The following PLOD1 variants were observed in gnomAD, a reference collection of about 807,000 sequenced individuals.
PLOD1 encodes procollagen-lysine,2-oxoglutarate 5-dioxygenase 1, also known as lysine hydroxylase.
A neutral mutation model predicts 94.7 loss-of-function variants in PLOD1; 70 were observed. The observed-to-expected ratio is 0.74, with a 90% CI of 0.61 to 0.90. The LOEUF (loss-of-function observed/expected upper bound fraction) is 0.90, where lower values mean the gene tolerates loss of function less well. Ranked by LOEUF, PLOD1 falls within the 40% of genes least tolerant of loss-of-function variation. PLOD1 has a pLI of 0.00. For synonymous variants in PLOD1, 417 were observed against 400.2 expected, an observed-to-expected ratio of 1.04 and a Z score of -0.50; for missense variants, 905 against 972.7, an observed-to-expected ratio of 0.93 and a Z score of 0.93.
chr1:11,948,729 C>G (rs188438714), intron 2 of PLOD1, among the ~76,000 whole-genome samples: 2 of 139,550 alleles, frequency 1.4e-5, no homozygotes, highest in Non-Finnish European at 3.2e-5. Context: ...AACTCTGTCT[C>G]AAAAAAAAAA....
chr1:11,956,838 G>A (rs1234795028), intron 6 of PLOD1, 79 bp from the exon 7 acceptor site: 5 of 898,524 alleles, frequency 5.6e-6, no homozygotes, highest in Non-Finnish European at 9.5e-6. Context: ...GCACAGCTGG[G>A]ATTTGAGCCC....
At chr1:11,965,199 C>A (rs775520314) in intron 13 of PLOD1, among the ~76,000 whole-genome samples, 2 of 151,440 alleles carry the variant, frequency 1.3e-5, no homozygotes, top group Non-Finnish European at 2.9e-5. Context: ...TCCCCTGTGA[C>A]CAACATTTCA....
At chr1:11,960,965 G>A (rs949973819) in intron 10 of PLOD1, among the ~76,000 whole-genome samples, 198 bp downstream of exon 10, 1 of 152,128 alleles carries the variant, frequency 6.6e-6, no homozygotes, top group Non-Finnish European at 1.5e-5. Flanking sequence ...CGGGGCTCCT[G>A]GGCAGGGCTG....
At position 11,964,679 on chromosome 1, in the gene PLOD1, A is replaced by C. The variant is rs373893146; in HGVS notation, c.1364A>C (p.Tyr455Ser). The C allele has an allele frequency of 6.8e-6, 11 of 1,612,870 alleles. No individual in the cohort carries two copies. The highest frequency in any genetic ancestry group is 1.1e-5 in the South Asian group (1 of 91,066). The change falls in exon 13 of 19, where the codon TAC becomes TCC. Residue 455 changes from tyrosine (Y) to serine (S), a missense_variant. Coordinates refer to ENST00000196061, the MANE Select transcript of PLOD1 (RefSeq NM_000302.4). ...AATGTGCCCTATATTTCAAACATCTACTTGATCAAGGGCAGTGCCCTGCGG... is the reference window on the plus strand; with the variant it reads ...AATGTGCCCTATATTTCAAACATCTCCTTGATCAAGGGCAGTGCCCTGCGG... ...VWNVPYISNI[Y>S]LIKGSALRGE...
chr1:11,964,045 T>G, intron 11 of PLOD1, 130 bp from the exon 12 acceptor site: 1 of 965,052 alleles, frequency 1.0e-6, no homozygotes, highest in East Asian at 2.4e-5. Context: ...AGGCACTGCC[T>G]GTCTCAGTGA....
Position 11,963,560 on chromosome 1 carries a change from A to G in PLOD1, c.1126A>G (p.Thr376Ala), listed in dbSNP as rs1569719325. The change falls in exon 11 of 19, where the codon ACC (threonine) becomes GCC (alanine). Residue 376 changes from threonine (T) to alanine (A), a missense_variant. Coordinates refer to ENST00000196061, the MANE Select transcript of PLOD1 (RefSeq NM_000302.4). The surrounding 1 kb of genome is among the most constrained non-coding windows in gnomAD (Gnocchi z 4.3). Reference protein sequence around the residue: ...ADLCRQDRSCTYYFSVDADVA... With the variant: ...ADLCRQDRSCAYYFSVDADVA... ...CCTGTGCCGGCAGGACCGCAGCTGC[A>G]CCTACTACTTCAGCGTGGATGCTGA... 2 of 1,603,430 alleles carry G rather than the reference A, an allele frequency of 1.2e-6. No individual in the cohort carries two copies. The highest frequency in any genetic ancestry group is 8.5e-7 in the Non-Finnish European group (1 of 1,175,860).
rs182699274 is a variant in PLOD1, at chr1:11,951,426, C to T, written c.466+906C>T. Among the ~76,000 whole-genome samples, 813 of 151,598 alleles carry T rather than the reference C, an allele frequency of 5.4e-3. 4 individuals are homozygous for T. The highest frequency in any genetic ancestry group is 0.019 in the African/African-American group (778 of 41,320). On this transcript the variant is annotated intron_variant, in intron 4 of 18. Coordinates refer to ENST00000196061, the MANE Select transcript of PLOD1 (RefSeq NM_000302.4). ...ACTAAAAATATAAAAGGTAGCCGGG[C>T]GTGGTGGTACACGCCTGTAATCCCA...
chr1:11,948,624 G>T (rs1645674249), intron 2 of PLOD1, among the ~76,000 whole-genome samples: 1 of 152,136 alleles, frequency 6.6e-6, no homozygotes, highest in Non-Finnish European at 1.5e-5. Context: ...CAGCTGCTTA[G>T]GAGGCTGAGG....
Position 11,967,608 on chromosome 1 carries a change from TATATATAAAA to T in PLOD1, c.1755+519_1755+528del, listed in dbSNP as rs1557498391. 4.8e-5 allele frequency among the ~76,000 whole-genome samples: 6 copies of T among 125,732 alleles called. 1 individual carries two copies. The highest frequency in any genetic ancestry group is 1.8e-4 in the African/African-American group (6 of 32,816). The allele number at this position is 125,732 out of a possible 152,430, so 82.5% of individuals were successfully genotyped here. A position where few individuals can be genotyped will look rare whatever the true frequency, so the allele number is the denominator to read the frequency against. ...ATGTGTGTGTGTGTGTATATATATA[TATATATAAAA>T]AGAAATATATATAGATTTTATTTAT... On this transcript the variant is annotated intron_variant, in intron 16 of 18. Transcript: ENST00000196061.
chr1:11,949,651 C>A, intron 2 of PLOD1, 122 bp from the exon 3 acceptor site: 1 of 941,096 alleles, frequency 1.1e-6, no homozygotes, highest in Non-Finnish European at 1.7e-6. Flanking sequence ...AATTCCTGAC[C>A]TCAGGTGGTC....
chr1:11,946,976 A>T (rs953094854), intron 1 of PLOD1, among the ~76,000 whole-genome samples: 3 of 152,094 alleles, frequency 2.0e-5, no homozygotes, highest in Non-Finnish European at 2.9e-5. Context: ...TCTTTTAAAC[A>T]ACCAGCTCTC....
chr1:11,940,650 G>A (rs1261599519), intron 1 of PLOD1, among the ~76,000 whole-genome samples: 2 of 152,170 alleles, frequency 1.3e-5, no homozygotes, highest in Admixed American at 1.3e-4. Flanking sequence ...TGGATCACGG[G>A]TTCATCTGGG....
At chr1:11,961,922 G>A (rs1376934826) in intron 10 of PLOD1, among the ~76,000 whole-genome samples, 2 of 152,208 alleles carry the variant, frequency 1.3e-5, no homozygotes, top group Admixed American at 1.3e-4. Flanking sequence ...TCAAGTAGAT[G>A]GGATTACAGG....
In PLOD1 at chr1:11,967,612, TATAAAA is replaced by T. The variant is rs1451342665; in HGVS notation, c.1755+523_1755+528del. Among the ~76,000 whole-genome samples the T allele has an allele frequency of 3.5e-4, 44 of 124,508 alleles. 8 individuals are homozygous for T. The East Asian group carries it at 4.3e-3, about 12-fold the overall frequency. The allele number at this position is 124,508 out of a possible 152,430, so 81.7% of individuals were successfully genotyped here. ...GTGTGTGTGTGTATATATATATATA[TATAAAA>T]AGAAATATATATAGATTTTATTTAT... On this transcript the variant is annotated intron_variant, in intron 16 of 18. Coordinates refer to ENST00000196061, the MANE Select transcript of PLOD1 (RefSeq NM_000302.4).
At chr1:11,968,015 A>G (rs938855455) in intron 16 of PLOD1, among the ~76,000 whole-genome samples, 1 of 149,852 alleles carries the variant, frequency 6.7e-6, no homozygotes, top group Non-Finnish European at 1.5e-5. Flanking sequence ...GTGCAGTGGC[A>G]TGATCTCAGC....
chr1:11,958,484 G>A lies in PLOD1; in HGVS notation c.844-32G>A, dbSNP rs200748587. On this transcript the variant is annotated intron_variant, in intron 8 of 18. Transcript: ENST00000196061. The surrounding 1 kb of genome is among the most constrained non-coding windows in gnomAD (Gnocchi z 4.3). The stretch of plus-strand genomic sequence containing the variant: ...AGTGGCAGTGCTGTGACTGGACACT[G>A]CTGGACTCTTGTGCCGCCCTCCCTG... 4.3e-6 allele frequency: 7 copies of A among 1,611,798 alleles called. No individual in the cohort carries two copies. Among genetic ancestry groups the A allele is most frequent in the Non-Finnish European group, 5.1e-6 (6 of 1,179,452 alleles).
At chr1:11,959,255 T>A (rs1199036012) in intron 9 of PLOD1, among the ~76,000 whole-genome samples, 1 of 151,680 alleles carries the variant, frequency 6.6e-6, no homozygotes, top group Non-Finnish European at 1.5e-5. Context: ...ATAGGGATAA[T>A]AATTGTGCAA....
chr1:11,944,940 G>A (rs1193134653), intron 1 of PLOD1, among the ~76,000 whole-genome samples: 4 of 152,264 alleles, frequency 2.6e-5, no homozygotes, highest in Non-Finnish European at 5.9e-5. Context: ...GCCACCAGGT[G>A]AGAAGTGTAA....
At chr1:11,944,411 G>A (rs541366844) in intron 1 of PLOD1, 128 of 487,878 alleles carry the variant, frequency 2.6e-4, no homozygotes, top group African/African-American at 2.2e-3. Flanking sequence ...CCTGAATTGC[G>A]CATGCACGCG....
Sources: allele counts gnomAD v4.1 joint callset (sites outside exome capture counted in the v4.1 genomes callset), GRCh38; gene constraint gnomAD v4.1.1; non-coding constraint Gnocchi (gnomAD v3.1); transcripts MANE v1.5; gene names NCBI Gene and HGNC (gene_info 2026-07-23, HGNC 2026-07-21).